Variants in GSG1L2 observed in about 807,000 individuals in gnomAD.
GSG1L2 encodes germ cell-specific gene 1-like protein 2.
In GSG1L2, 15 loss-of-function variants were observed where a neutral mutation model predicts 9.0. The observed-to-expected ratio is 1.67, with a 90% CI of 1.12 to 2.57. GSG1L2 has a LOEUF of 2.57. Ranked by LOEUF, GSG1L2 falls within the 30% of genes most tolerant of loss-of-function variation. The pLI, the probability that GSG1L2 is intolerant of heterozygous loss-of-function variation, is 0.00. For missense variants in GSG1L2, 286 were observed against 150.3 expected (o/e 1.90, Z -4.72); for synonymous variants, 127 against 57.9 (o/e 2.19, Z -5.41).
intron 3 of GSG1L2, chr17:9,808,040 A>G (rs530951233): frequency 1.9e-5 from 3 of 156,358 alleles, no homozygotes; most frequent in Admixed American, 1.8e-4. Flanking sequence ...TAAATAAATA[A>G]GTCCCAAAAT....
intron 4 of GSG1L2, among the ~76,000 whole-genome samples, chr17:9,803,317 G>A (rs986522179): frequency 2.0e-5 from 3 of 152,068 alleles, no homozygotes; most frequent in African/African-American, 4.8e-5. Flanking sequence ...TGGCCAGGCC[G>A]GTCTTGACCT....
rs146655978 is a variant in GSG1L2, at chr17:9,815,169, C to T, written c.311-4551G>A. Among the ~76,000 whole-genome samples, 1,233 of 152,232 alleles carry T rather than the reference C, an allele frequency of 8.1e-3. 19 individuals are homozygous for T. Among genetic ancestry groups the T allele is most frequent in the African/African-American group, 0.028 (1,156 of 41,544 alleles). ...TTGGGAGGCCGAGGCGGGCGGATCA[C>T]GAAGTCAGGAGATGGAGACCATACT... On this transcript the variant is annotated intron_variant, in intron 1 of 4. Coordinates refer to ENST00000399363, the MANE Select transcript of GSG1L2 (RefSeq NM_001310219.2).
At position 9,801,841 on chromosome 17, in the gene GSG1L2, T is replaced by G. The variant is rs2066497966; in HGVS notation, c.*545A>C. Among the ~76,000 whole-genome samples the G allele has an allele frequency of 6.6e-6, 1 of 152,204 alleles. No individual in the cohort carries two copies. The highest frequency in any genetic ancestry group is 1.5e-5 in the Non-Finnish European group (1 of 68,034). ...TTTTACTATGAGTAGAAACACAAAA[T>G]TTCCAAGAAAAAATATTTTAAAAAA... On this transcript the variant is annotated 3_prime_UTR_variant, in exon 5 of 5. Transcript: ENST00000399363.
At chr17:9,803,764 A>T (rs2152021932) in intron 4 of GSG1L2, 1 of 152,342 alleles carries the variant, frequency 6.6e-6, no homozygotes, top group South Asian at 2.1e-4. Context: ...GAGGCACTAT[A>T]ATTATCTCCA....
At chr17:9,819,185 G>A (rs1268466489) in intron 1 of GSG1L2, among the ~76,000 whole-genome samples, 3 of 152,184 alleles carry the variant, frequency 2.0e-5, no homozygotes, top group East Asian at 1.9e-4. Context: ...AAACGAAGAG[G>A]CAATGGGCAA....
In GSG1L2 at chr17:9,821,894, T is replaced by C. The variant is rs771655367; in HGVS notation, c.178A>G (p.Ser60Gly). The C allele has an allele frequency of 5.7e-6, 4 of 703,312 alleles. No homozygotes were observed. The highest frequency in any genetic ancestry group is 1.0e-5 in the Non-Finnish European group (4 of 385,058). 43.6% of individuals were successfully genotyped at this position (703,312 alleles called of 1,614,324 possible). Residue 60 changes from serine (S) to glycine (G), a missense_variant, in exon 1 of 5, where the codon AGC becomes GGC. By Grantham distance (56) the Ser-to-Gly change is moderately conservative. Transcript: ENST00000399363. ...QHCIHFKRDN[S>G]SNGRMDNNSQ... ...TTGTTGTCCATCCTGCCATTGCTGC[T>C]GTTGTCCCGTTTGAAGTGAATGCAG...
chr17:9,810,428 G>A, intron 2 of GSG1L2, 143 bp downstream of exon 2: 1 of 634,840 alleles, frequency 1.6e-6, no homozygotes, highest in South Asian at 1.9e-5. Context: ...CAGGAAGAGA[G>A]CCTGTGGTTC....
At chr17:9,816,589 CGTGTCTGT>C (rs1218256853) in intron 1 of GSG1L2, among the ~76,000 whole-genome samples, 1 of 68,984 alleles carries the variant, frequency 1.4e-5, no homozygotes, top group Non-Finnish European at 2.5e-5. Flanking sequence ...TGTGCACGTG[CGTGTCTGT>C]GTGTCTGTGT....
At chr17:9,805,183 C>A (rs369581411) in intron 4 of GSG1L2, 1 of 151,934 alleles carries the variant, frequency 6.6e-6, no homozygotes, top group Non-Finnish European at 1.5e-5. Flanking sequence ...AAAAAACTGA[C>A]GAAAGGAAAT....
intron 4 of GSG1L2, 113 bp downstream of exon 4, chr17:9,807,377 A>G: frequency 1.5e-6 from 1 of 659,496 alleles, no homozygotes; most frequent in East Asian, 2.7e-5. Context: ...AAGTCACAAT[A>G]CTGGCAGATG....
intron 3 of GSG1L2, 60 bp from the exon 4 acceptor site, chr17:9,807,661 G>A (rs576231159): frequency 2.1e-5 from 15 of 701,168 alleles, no homozygotes; most frequent in Admixed American, 1.2e-4. Flanking sequence ...AGAACTCTAC[G>A]CGGTGTGAGT....
chr17:9,810,414 G>A (rs1323459782), intron 2 of GSG1L2, 157 bp downstream of exon 2: 5 of 619,008 alleles, frequency 8.1e-6, no homozygotes, highest in Admixed American at 2.7e-5. Flanking sequence ...CTGGCTATAG[G>A]GCACAGGAAG....
chr17:9,808,127 A>G (rs937885555), intron 3 of GSG1L2, among the ~76,000 whole-genome samples: 1 of 152,202 alleles, frequency 6.6e-6, no homozygotes, highest in Non-Finnish European at 1.5e-5. Context: ...AAGCACAACA[A>G]TGATGTACAA....
At chr17:9,811,020 A>T (rs182338274) in intron 1 of GSG1L2, 6 of 190,494 alleles carry the variant, frequency 3.1e-5, no homozygotes, top group East Asian at 1.3e-4. Flanking sequence ...AATGAGCTAA[A>T]AATAAATGTG....
intron 1 of GSG1L2, among the ~76,000 whole-genome samples, chr17:9,817,418 C>T (rs1403404106): frequency 1.4e-5 from 2 of 140,104 alleles, no homozygotes; most frequent in African/African-American, 5.4e-5. Context: ...CCAGTTCTCT[C>T]CAACGAGGCT....
intron 2 of GSG1L2, chr17:9,809,550 T>G (rs1480737969): frequency 6.3e-6 from 1 of 158,966 alleles, no homozygotes; most frequent in Non-Finnish European, 1.4e-5. Context: ...GTTTCTGTCC[T>G]ATCAGAGTGC....
chr17:9,803,100 CTTTTT>C (rs58980664), intron 4 of GSG1L2, among the ~76,000 whole-genome samples: 1 of 92,504 alleles, frequency 1.1e-5, no homozygotes. Context: ...GGTGTCATTA[CTTTTT>C]TTTTTTTTTT....
chr17:9,816,721 GTGTC>G (rs2066565921), intron 1 of GSG1L2, among the ~76,000 whole-genome samples: 1 of 146,096 alleles, frequency 6.8e-6, no homozygotes, highest in Non-Finnish European at 1.5e-5. Context: ...GTGTGTATCT[GTGTC>G]TGTGTGTGCA....
chr17:9,804,811 A>C (rs1567708530), intron 4 of GSG1L2: 1 of 152,270 alleles, frequency 6.6e-6, no homozygotes, highest in Non-Finnish European at 1.5e-5. Context: ...GTCCAACAAC[A>C]AAGCAGGGAG....
Sources: gnomAD v4.1 joint callset for allele counts (sites outside exome capture counted in the v4.1 genomes callset) on GRCh38, gnomAD v4.1.1 for gene constraint, MANE v1.5 for transcripts, NCBI Gene and HGNC (gene_info 2026-07-23, HGNC 2026-07-21) for gene names.